The following CHST9 variants were observed in gnomAD, a reference collection of about 807,000 sequenced individuals.
CHST9 encodes the protein carbohydrate sulfotransferase 9.
In CHST9, 41 loss-of-function variants were observed where a neutral mutation model predicts 44.4. That is an observed-to-expected ratio of 0.92 (90% confidence interval 0.72 to 1.20). CHST9 has a LOEUF of 1.20. Ranked by LOEUF, CHST9 falls within the 50% of genes most tolerant of loss-of-function variation. The pLI, the probability that CHST9 is intolerant of heterozygous loss-of-function variation, is 0.00. For missense variants in CHST9, 504 were observed against 516.5 expected (o/e 0.98, Z 0.23); for synonymous variants, 171 against 178.4 (o/e 0.96, Z 0.33).
At chr18:27,173,253 A>G (rs1489658866) in intron 1 of CHST9, among the ~76,000 whole-genome samples, 1 of 152,054 alleles carries the variant, frequency 6.6e-6, no homozygotes, top group Non-Finnish European at 1.5e-5. Flanking sequence ...TGCTTCTAAT[A>G]TATTAGCACT....
intron 2 of CHST9, among the ~76,000 whole-genome samples, chr18:27,065,584 CTTTT>C (rs56023514): frequency 2.3e-5 from 3 of 128,712 alleles, no homozygotes; most frequent in Non-Finnish European, 4.9e-5. Flanking sequence ...TCGTTCACTG[CTTTT>C]TTTTTTTTTT....
intron 4 of CHST9, among the ~76,000 whole-genome samples, chr18:27,007,397 A>G (rs1154204): frequency 0.67 from 101,125 of 152,040 alleles, 34,409 homozygotes; most frequent in African/African-American, 0.81. Context: ...CTGAACTGAG[A>G]GATTTTGGAA....
At chr18:27,104,129 C>T (rs2143759563) in intron 2 of CHST9, among the ~76,000 whole-genome samples, 1 of 152,346 alleles carries the variant, frequency 6.6e-6, no homozygotes, top group East Asian at 1.9e-4. Context: ...ACACATCGAG[C>T]ACCTACTAAG....
At chr18:27,056,207 T>A (rs1043491672) in intron 2 of CHST9, among the ~76,000 whole-genome samples, 1 of 152,210 alleles carries the variant, frequency 6.6e-6, no homozygotes, top group Non-Finnish European at 1.5e-5. Context: ...GGTAAGTATT[T>A]ATTTAGTACC....
In CHST9 at chr18:26,913,012, C is replaced by A. The variant is rs1390884262; in HGVS notation, c.*3247G>T. On this transcript the variant is annotated 3_prime_UTR_variant, in exon 6 of 6. Transcript: ENST00000618847. ...TAGAGGCTGGGATGCCCTGAGAGGC[C>A]ACATGAGAATGCACAGGAGGGAGAC... is the stretch of plus-strand genomic sequence containing the variant. 6.6e-6 allele frequency: 1 copy of A among 152,138 alleles called. No individual in the cohort carries two copies. The highest frequency in any genetic ancestry group is 1.9e-4 in the East Asian group (1 of 5,196). 9.4% of individuals were successfully genotyped at this position (152,138 alleles called of 1,614,324 possible).
chr18:27,140,261 C>A (rs2058554141), intron 2 of CHST9, among the ~76,000 whole-genome samples: 1 of 152,168 alleles, frequency 6.6e-6, no homozygotes, highest in Non-Finnish European at 1.5e-5. Context: ...CGCCCCTTAT[C>A]CCTCTGGAGT....
intron 4 of CHST9, among the ~76,000 whole-genome samples, chr18:26,967,063 C>A (rs16943089): frequency 6.6e-6 from 1 of 151,742 alleles, no homozygotes; most frequent in African/African-American, 2.4e-5. Context: ...GACTGAAACA[C>A]TGAGGGCTTT....
chr18:26,988,592 T>C (rs1245649441), intron 4 of CHST9, among the ~76,000 whole-genome samples: 5 of 152,200 alleles, frequency 3.3e-5, no homozygotes, highest in East Asian at 1.9e-4. Context: ...AAATCCATAA[T>C]TGCTGTCAGA....
At chr18:27,155,047 A>G (rs929742096) in intron 1 of CHST9, among the ~76,000 whole-genome samples, 3 of 149,826 alleles carry the variant, frequency 2.0e-5, no homozygotes, top group Non-Finnish European at 4.4e-5. Flanking sequence ...ACAGCATTGC[A>G]CTTCAACCTG....
At chr18:26,998,495 G>A (rs779618670) in intron 4 of CHST9, among the ~76,000 whole-genome samples, 5 of 152,182 alleles carry the variant, frequency 3.3e-5, no homozygotes, top group Admixed American at 6.5e-5. Flanking sequence ...GGAGGCTGAG[G>A]TGGGAGGATC....
intron 2 of CHST9, among the ~76,000 whole-genome samples, chr18:27,091,110 CTT>C (rs1252777530): frequency 1.3e-5 from 2 of 152,052 alleles, no homozygotes; most frequent in Non-Finnish European, 2.9e-5. Flanking sequence ...TTTGTGTCCT[CTT>C]TATTTCATTG....
intron 1 of CHST9, among the ~76,000 whole-genome samples, chr18:27,173,738 C>T (rs1291745213): frequency 6.6e-6 from 1 of 151,878 alleles, no homozygotes; most frequent in Non-Finnish European, 1.5e-5. Flanking sequence ...AACTTTCAAA[C>T]ATTTAAGCTC....
chr18:26,984,328 T>C (rs1253692533), intron 4 of CHST9, among the ~76,000 whole-genome samples: 1 of 152,202 alleles, frequency 6.6e-6, no homozygotes, highest in Non-Finnish European at 1.5e-5. Flanking sequence ...CAGTTAGTTA[T>C]TTCTATCCTG....
rs1421004463 is a variant in CHST9 at position 26,914,719 on chromosome 18, T to C, written c.*1540A>G. On this transcript the variant is annotated 3_prime_UTR_variant, in exon 6 of 6. Transcript: ENST00000618847. ...AATTCATGAATACTCAGCCATGAAA[T>C]AGAAAATCAAAATGAAATAAGTATG... 1 of 386,864 alleles carries C rather than the reference T, an allele frequency of 2.6e-6. No homozygotes were observed. Among genetic ancestry groups the C allele is most frequent in the African/African-American group, 2.1e-5 (1 of 48,346 alleles). 24.0% of individuals were successfully genotyped at this position (386,864 alleles called of 1,614,324 possible).
intron 4 of CHST9, among the ~76,000 whole-genome samples, chr18:26,978,418 T>C (rs905153404): frequency 1.3e-5 from 2 of 152,176 alleles, no homozygotes; most frequent in Admixed American, 1.3e-4. Context: ...TAAGTATTAA[T>C]AATCTTTTCA....
intron 1 of CHST9, among the ~76,000 whole-genome samples, chr18:27,172,947 A>G (rs899677376): frequency 1.3e-5 from 2 of 152,042 alleles, no homozygotes; most frequent in Non-Finnish European, 1.5e-5. Context: ...GTTACCACAC[A>G]TATCTGCAGG....
intron 1 of CHST9, among the ~76,000 whole-genome samples, chr18:27,171,731 T>C (rs2058835003): frequency 6.6e-6 from 1 of 152,210 alleles, no homozygotes; most frequent in South Asian, 2.1e-4. Flanking sequence ...ATCATTGAGT[T>C]CTACATGCAA....
chr18:27,048,739 T>C (rs2057533235), intron 2 of CHST9, among the ~76,000 whole-genome samples: 1 of 152,186 alleles, frequency 6.6e-6, no homozygotes, highest in African/African-American at 2.4e-5. Flanking sequence ...TTTTAAAATC[T>C]TGTTAGCCAG....
intron 5 of CHST9, among the ~76,000 whole-genome samples, chr18:26,941,963 G>A (rs569019221): frequency 6.6e-6 from 1 of 152,220 alleles, no homozygotes; most frequent in East Asian, 1.9e-4. Context: ...TGATGTGGGG[G>A]GGAGAAAAGA....
Sources: gnomAD v4.1 joint callset for allele counts (sites outside exome capture counted in the v4.1 genomes callset) on GRCh38, gnomAD v4.1.1 for gene constraint, MANE v1.5 for transcripts, NCBI Gene and HGNC (gene_info 2026-07-23, HGNC 2026-07-21) for gene names.